Variants in TBCD observed in about 807,000 individuals in gnomAD.
The protein encoded by TBCD is tubulin folding cofactor D.
In TBCD, 105 loss-of-function variants were observed where a neutral mutation model predicts 169.3. The observed-to-expected ratio is 0.62, with a 90% CI of 0.53 to 0.73. The LOEUF (loss-of-function observed/expected upper bound fraction) is 0.73. Among genes scored for constraint, TBCD ranks in the 30% least tolerant of loss-of-function variants. TBCD has a pLI of 0.00. For missense variants in TBCD, 1,444 were observed against 1,600.1 expected (o/e 0.90, Z 1.66); for synonymous variants, 700 against 643.9 (o/e 1.09, Z -1.32).
intron 12 of TBCD, among the ~76,000 whole-genome samples, chr17:82,811,932 C>T (rs1488701177): frequency 6.6e-6 from 1 of 152,162 alleles, no homozygotes; most frequent in East Asian, 1.9e-4. Flanking sequence ...TTAACTTACT[C>T]CCCGCTCCTT....
intron 22 of TBCD, 142 bp from the exon 23 acceptor site, chr17:82,911,616 A>G: frequency 1.3e-6 from 1 of 767,646 alleles, no homozygotes; most frequent in Non-Finnish European, 2.2e-6. Context: ...TTTTCATAAA[A>G]GGTTGCTCAT....
chr17:82,828,519 A>G (rs2053147441), intron 13 of TBCD, among the ~76,000 whole-genome samples: 2 of 121,850 alleles, frequency 1.6e-5, no homozygotes, highest in Non-Finnish European at 3.4e-5. Context: ...CCCCGCAGAT[A>G]TGCACACGTG....
chr17:82,818,062 T>C (rs556570874), intron 13 of TBCD, among the ~76,000 whole-genome samples: 2 of 152,320 alleles, frequency 1.3e-5, no homozygotes, highest in African/African-American at 4.8e-5. Flanking sequence ...GTGTGTGCTC[T>C]GTCATGTCTT....
At chr17:82,847,930 C>G (rs2055288064) in intron 13 of TBCD, among the ~76,000 whole-genome samples, 1 of 152,178 alleles carries the variant, frequency 6.6e-6, no homozygotes, top group Non-Finnish European at 1.5e-5. Context: ...GGGCCGGGCC[C>G]ACGATTTGAA....
chr17:82,829,383 C>T (rs111901976), intron 13 of TBCD: 6,454 of 154,970 alleles, frequency 0.042, 263 homozygotes, highest in African/African-American at 0.11. Context: ...ACAGGTTAAT[C>T]GCTGCCACAG....
chr17:82,878,571 G>A (rs1168333069), intron 14 of TBCD, among the ~76,000 whole-genome samples: 1 of 151,608 alleles, frequency 6.6e-6, no homozygotes, highest in African/African-American at 2.4e-5. Flanking sequence ...GTGCTGTTGG[G>A]CCCATATAGT....
rs2061905962 is a variant in TBCD, at chr17:82,928,097, C to T, written c.2693+109C>T. Reference sequence around the variant, plus strand: ...TCAGTGGCATTTGCACTGCTGGGCACACACCCTCCTCCCAGAGAGCCTCTC... The same window carrying T: ...TCAGTGGCATTTGCACTGCTGGGCATACACCCTCCTCCCAGAGAGCCTCTC... On this transcript the variant is annotated intron_variant, in intron 30 of 38. Coordinates refer to ENST00000355528, the MANE Select transcript of TBCD (RefSeq NM_005993.5). 3.2e-6 allele frequency: 3 copies of T among 944,452 alleles called. No individual in the cohort carries two copies. The Admixed American group carries it at 5.8e-5, about 18-fold the overall frequency. 58.5% of individuals were successfully genotyped at this position (944,452 alleles called of 1,614,324 possible). A position where few individuals can be genotyped will look rare whatever the true frequency, so the allele number is the denominator to read the frequency against.
At chr17:82,868,031 C>T (rs1423375891) in intron 13 of TBCD, among the ~76,000 whole-genome samples, 1 of 152,164 alleles carries the variant, frequency 6.6e-6, no homozygotes, top group Non-Finnish European at 1.5e-5. Context: ...GGGCCTTCCA[C>T]AGTGAGTTGT....
At chr17:82,871,644 C>T (rs751527775) in intron 14 of TBCD, among the ~76,000 whole-genome samples, 3 of 152,378 alleles carry the variant, frequency 2.0e-5, no homozygotes, top group South Asian at 2.1e-4. Context: ...GTGCACTGCT[C>T]CTTTTGGTCT....
At position 82,806,752 on chromosome 17, in the gene TBCD, G is replaced by A. The variant is rs910584140; in HGVS notation, c.1087+741G>A. On this transcript the variant is annotated intron_variant, in intron 10 of 38. Coordinates refer to ENST00000355528, the MANE Select transcript of TBCD (RefSeq NM_005993.5). This position sits in a 1 kb window ranked among gnomAD's most constrained non-coding sequence, Gnocchi z 5.1. ...TCCCCAGTCATCTGCACCCCACCTC[G>A]ACCGTGACCATCAGGGCGCCTGTGG... is the stretch of plus-strand genomic sequence containing the variant. Among the ~76,000 whole-genome samples, 44 of 152,108 alleles carry A rather than the reference G, an allele frequency of 2.9e-4. No homozygotes were observed. Among genetic ancestry groups the A allele is most frequent in the African/African-American group, 9.7e-4 (40 of 41,404 alleles).
At chr17:82,867,623 C>T (rs1357578572) in intron 13 of TBCD, among the ~76,000 whole-genome samples, 1 of 152,216 alleles carries the variant, frequency 6.6e-6, no homozygotes, top group Admixed American at 6.5e-5. Context: ...GCCTTTTGGG[C>T]GTCACAGATT....
At chr17:82,896,473 T>G (rs1244043029) in intron 17 of TBCD, among the ~76,000 whole-genome samples, 1 of 148,122 alleles carries the variant, frequency 6.8e-6, no homozygotes, top group Non-Finnish European at 1.5e-5. Context: ...TTTTTTTTTT[T>G]TTTTCCTTTT....
intron 16 of TBCD, among the ~76,000 whole-genome samples, chr17:82,891,094 G>A (rs2059105385): frequency 6.6e-6 from 1 of 152,324 alleles, no homozygotes; most frequent in Middle Eastern, 3.4e-3. Flanking sequence ...GGCGCACTCC[G>A]CCATCACTCT....
intron 37 of TBCD, 115 bp from the exon 38 acceptor site, chr17:82,941,284 G>C: frequency 1.2e-6 from 1 of 821,192 alleles, no homozygotes; most frequent in South Asian, 1.7e-5. Context: ...ATGGATGTCG[G>C]GGGTGAGGTC....
intron 13 of TBCD, among the ~76,000 whole-genome samples, chr17:82,843,852 C>T (rs182790971): frequency 6.6e-6 from 1 of 152,320 alleles, no homozygotes; most frequent in African/African-American, 2.4e-5. Flanking sequence ...GCAGTGCCAC[C>T]CTTCCCCACC....
At chr17:82,781,147 T>TCCCAGGGGCTGGGG (rs2048920940) in intron 6 of TBCD, among the ~76,000 whole-genome samples, 1 of 150,860 alleles carries the variant, frequency 6.6e-6, no homozygotes, top group African/African-American at 2.4e-5. Context: ...GGGAGGGAGG[T>TCCCAGGGGCTGGGG]CCCAGGGGCT....
In TBCD at chr17:82,903,393, C is replaced by T. The variant is rs1311234283; in HGVS notation, c.1731-12C>T. On this transcript the variant is annotated splice_polypyrimidine_tract_variant and intron_variant, in intron 18 of 38. Transcript: ENST00000355528. The surrounding 1 kb of genome is among the most constrained non-coding windows in gnomAD (Gnocchi z 4.8). ...AATGAAGGCACTTACGACATTCTCT[C>T]CTCACTCTCAGGGTCATCCGAGAGT... The T allele has an allele frequency of 1.3e-6, 2 of 1,596,962 alleles. No homozygotes were observed. Among genetic ancestry groups the T allele is most frequent in the South Asian group, 1.1e-5 (1 of 87,930 alleles).
chr17:82,842,543 CT>C (rs1267520139), intron 13 of TBCD, among the ~76,000 whole-genome samples: 1 of 152,166 alleles, frequency 6.6e-6, no homozygotes, highest in African/African-American at 2.4e-5. Flanking sequence ...ACTGGAAGGC[CT>C]GCTGCTCGGA....
intron 7 of TBCD, among the ~76,000 whole-genome samples, chr17:82,788,850 G>C (rs1402452011): frequency 6.6e-6 from 1 of 152,250 alleles, no homozygotes; most frequent in African/African-American, 2.4e-5. Flanking sequence ...CCCCACCTGG[G>C]AGGGAAGCAG....
Sources: allele counts gnomAD v4.1 joint callset (sites outside exome capture counted in the v4.1 genomes callset), GRCh38; gene constraint gnomAD v4.1.1; non-coding constraint Gnocchi (gnomAD v3.1); transcripts MANE v1.5; gene names NCBI Gene and HGNC (gene_info 2026-07-23, HGNC 2026-07-21).